The following ALG12 variants were observed in gnomAD, a reference collection of about 807,000 sequenced individuals.
ALG12 encodes the protein ALG12 alpha-1,6-mannosyltransferase.
In ALG12, 36 loss-of-function variants were observed where a neutral mutation model predicts 46.0. That is an observed-to-expected ratio of 0.78 (90% CI 0.60 to 1.03). The LOEUF (loss-of-function observed/expected upper bound fraction) is 1.03, where lower values mean the gene tolerates loss of function less well. Among genes scored for constraint, ALG12 ranks in the 50% least tolerant of loss-of-function variants. The probability of loss-of-function intolerance (pLI) is 0.00; values close to 1 mark genes in which losing one functional copy is unlikely to be tolerated. For synonymous variants in ALG12, 326 were observed against 291.6 expected, an observed-to-expected ratio of 1.12 and a Z score of -1.20; for missense variants, 599 against 633.5, an observed-to-expected ratio of 0.95 and a Z score of 0.58.
chr22:49,907,906 G>C lies in ALG12; in HGVS notation c.807C>G (p.Pro269=). The C allele has an allele frequency of 6.2e-7, 1 of 1,613,530 alleles. No homozygotes were observed. The highest frequency in any genetic ancestry group is 8.5e-7 in the Non-Finnish European group (1 of 1,179,982). The part of the protein sequence containing the change: ...PLLWYFYSAL[P]RGLGCSLLFI... ...AGAGCAGGCTGCAGCCCAGGCCGCGGGGCAGGGCTGAGTAGAAGTACCACA... is the reference window on the plus strand; with the variant it reads ...AGAGCAGGCTGCAGCCCAGGCCGCGCGGCAGGGCTGAGTAGAAGTACCACA... The change falls in exon 7 of 10, where the codon CCC becomes CCG. Residue 269 remains proline, a synonymous_variant. Transcript: ENST00000330817.
At chr22:49,911,815 C>T (rs2060578181) in intron 3 of ALG12, among the ~76,000 whole-genome samples, 1 of 152,174 alleles carries the variant, frequency 6.6e-6, no homozygotes, top group Non-Finnish European at 1.5e-5. Flanking sequence ...GCTGGAATTT[C>T]CCCCGGGCTT....
chr22:49,884,604 C>T, the ALG12 span: 5 of 1,612,144 alleles, frequency 3.1e-6, no homozygotes, highest in East Asian at 1.1e-4. Context: ...ACGAGTTCAG[C>T]CGGGGGAAGA....
chr22:49,899,879 C>T (rs1434310635), downstream of ALG12, among the ~76,000 whole-genome samples: 11 of 152,100 alleles, frequency 7.2e-5, no homozygotes, highest in Admixed American at 7.2e-4. Flanking sequence ...GTGAAAAAAA[C>T]GGTGGCTGGA....
chr22:49,911,156 C>T (rs1287000950), intron 3 of ALG12, among the ~76,000 whole-genome samples: 3 of 152,208 alleles, frequency 2.0e-5, no homozygotes, highest in Non-Finnish European at 2.9e-5. Flanking sequence ...ACATCCTCAC[C>T]GTGGACCGGC....
intron 1 of ALG12, among the ~76,000 whole-genome samples, chr22:49,916,270 T>G (rs1208254634): frequency 6.7e-6 from 1 of 148,440 alleles, no homozygotes; most frequent in African/African-American, 2.5e-5. Context: ...AATAAATAAA[T>G]TAATTAAATT....
chr22:49,878,313 A>AAAC, the ALG12 span, among the ~76,000 whole-genome samples: 1 of 151,906 alleles, frequency 6.6e-6, no homozygotes, highest in East Asian at 1.9e-4. Flanking sequence ...AAAAAAAAAA[A>AAAC]AAAAAAGTCT....
the ALG12 span, among the ~76,000 whole-genome samples, chr22:49,874,488 C>T: frequency 9.3e-5 from 14 of 150,700 alleles, no homozygotes; most frequent in African/African-American, 3.2e-4. Context: ...CAGGTTCAAG[C>T]GATTCTCCTG....
chr22:49,907,577 G>A (rs2060549485), intron 7 of ALG12, 144 bp downstream of exon 7: 7 of 928,382 alleles, frequency 7.5e-6, no homozygotes, highest in South Asian at 7.2e-5. Context: ...GAGTTGAGGG[G>A]TGCAGTAAGC....
At position 49,910,100 on chromosome 22, in the gene ALG12, T is replaced by C. The variant is rs191669043; in HGVS notation, c.470-12A>G. The C allele has an allele frequency of 8.2e-6, 13 of 1,592,584 alleles. No homozygotes were observed. In the African/African-American group the frequency reaches 1.5e-4, roughly 18 times the overall value. ...GAGGGCCAGCAGGACTGCAAGACAG[T>C]GCGGGAGGGTGCTCGTCAAGACACA... is the stretch of plus-strand genomic sequence containing the variant. On this transcript the variant is annotated splice_polypyrimidine_tract_variant and intron_variant, in intron 4 of 9. Transcript: ENST00000330817.
At chr22:49,884,485 C>T in the ALG12 span, 4 of 1,614,220 alleles carry the variant, frequency 2.5e-6, no homozygotes, top group Non-Finnish European at 2.5e-6. Context: ...GGAGAAGAGC[C>T]TTCCACTTCC....
the ALG12 span, chr22:49,887,194 C>T: frequency 8.2e-6 from 13 of 1,593,184 alleles, no homozygotes; most frequent in South Asian, 1.0e-4. Context: ...ACGACGGCAC[C>T]ACTAGGCCAG....
At chr22:49,887,298 C>A in the ALG12 span, 3 of 1,092,404 alleles carry the variant, frequency 2.7e-6, no homozygotes, top group Non-Finnish European at 3.9e-6. Context: ...ACTCTCAGGG[C>A]CGCTCTCCAG....
the ALG12 span, among the ~76,000 whole-genome samples, chr22:49,880,373 G>A: frequency 2.6e-5 from 4 of 152,216 alleles, no homozygotes; most frequent in Admixed American, 2.6e-4. Flanking sequence ...AGGAACCTCC[G>A]CAGGTCTGCG....
the ALG12 span, among the ~76,000 whole-genome samples, chr22:49,871,753 A>AT: frequency 7.4e-3 from 347 of 46,826 alleles, 2 homozygotes; most frequent in Middle Eastern, 0.049. Context: ...TTATTTATTT[A>AT]TTTATTTTTT....
intron 1 of ALG12, among the ~76,000 whole-genome samples, chr22:49,917,632 C>A (rs888061473): frequency 6.6e-6 from 1 of 151,902 alleles, no homozygotes; most frequent in Non-Finnish European, 1.5e-5. Context: ...CGCGCCACTG[C>A]ACTCCAGCCT....
At chr22:49,894,113 C>G in the ALG12 span, among the ~76,000 whole-genome samples, 1 of 152,048 alleles carries the variant, frequency 6.6e-6, no homozygotes, top group Non-Finnish European at 1.5e-5. Flanking sequence ...TGCAGTGAGC[C>G]GAGATGGCAC....
chr22:49,861,264 C>T, the ALG12 span, among the ~76,000 whole-genome samples: 12 of 151,866 alleles, frequency 7.9e-5, no homozygotes, highest in African/African-American at 2.7e-4. Context: ...GCCTCAGCCT[C>T]CTGAGTAGCT....
chr22:49,886,256 A>G, the ALG12 span: 4 of 1,211,602 alleles, frequency 3.3e-6, no homozygotes, highest in East Asian at 2.3e-5. The surrounding 1 kb of genome is among the most constrained non-coding windows in gnomAD (Gnocchi z 7.7). Flanking sequence ...CGGTCGCCCA[A>G]GGCGAAGGAG....
chr22:49,876,881 G>A, the ALG12 span, among the ~76,000 whole-genome samples: 2 of 152,184 alleles, frequency 1.3e-5, no homozygotes, highest in African/African-American at 4.8e-5. Flanking sequence ...AAGACACAGC[G>A]TTCCCACACG....
Sources: gnomAD v4.1 joint callset for allele counts (sites outside exome capture counted in the v4.1 genomes callset) on GRCh38, gnomAD v4.1.1 for gene constraint, Gnocchi (gnomAD v3.1) non-coding constraint, MANE v1.5 for transcripts, NCBI Gene and HGNC (gene_info 2026-07-23, HGNC 2026-07-21) for gene names.